The following DSG1 variants were observed in gnomAD, a reference collection of about 807,000 sequenced individuals.
DSG1 encodes the protein desmoglein 1.
In DSG1, 39 loss-of-function variants were observed where a neutral mutation model predicts 97.5. The observed-to-expected ratio is 0.40, with a 90% CI of 0.31 to 0.52. DSG1 has a LOEUF of 0.52. DSG1 is among the 20% of genes least tolerant of loss of function. The pLI is 0.53. For missense variants in DSG1, 1,311 were observed against 1,295.4 expected (o/e 1.01, Z -0.18); for synonymous variants, 475 against 443.4 (o/e 1.07, Z -0.90).
intron 11 of DSG1, among the ~76,000 whole-genome samples, chr18:31,341,961 A>T (rs2071792219): frequency 6.7e-6 from 1 of 148,640 alleles, no homozygotes; most frequent in African/African-American, 2.5e-5. Flanking sequence ...TTTGAGATGG[A>T]GTCTCACTCT....
At chr18:31,354,245 A>G (rs1041641195) in intron 14 of DSG1, 52 bp from the exon 15 acceptor site, 6 of 1,490,174 alleles carry the variant, frequency 4.0e-6, no homozygotes, top group Non-Finnish European at 5.6e-6. Context: ...CTGTTCTATT[A>G]TTGTTAAATA....
chr18:31,324,589 G>C (rs1344697106), intron 1 of DSG1, among the ~76,000 whole-genome samples: 2 of 152,018 alleles, frequency 1.3e-5, no homozygotes, highest in South Asian at 2.1e-4. Context: ...TTACTGTCTT[G>C]TTCCCAATCC....
intron 14 of DSG1, among the ~76,000 whole-genome samples, 193 bp downstream of exon 14, chr18:31,346,391 A>C (rs72929105): frequency 7.9e-5 from 12 of 152,308 alleles, no homozygotes; most frequent in Non-Finnish European, 1.5e-4. Flanking sequence ...TTTACTCCCC[A>C]ACGTAAGAAC....
In DSG1 at chr18:31,331,623, T is replaced by C. The variant is rs2071721382; in HGVS notation, c.518-78T>C. On this transcript the variant is annotated intron_variant, in intron 5 of 14. Coordinates refer to ENST00000257192, the MANE Select transcript of DSG1 (RefSeq NM_001942.4). ...CATAAGGATCAACTAACTCTAACAC[T>C]TTTTTGGAAAGGTGATATACTCTAC... is the stretch of plus-strand genomic sequence containing the variant. The C allele has an allele frequency of 2.2e-6, 3 of 1,388,770 alleles. No individual in the cohort carries two copies. The South Asian group carries it at 3.7e-5, about 17-fold the overall frequency. 86.0% of individuals were successfully genotyped at this position (1,388,770 alleles called of 1,614,324 possible).
At position 31,356,822 on chromosome 18, in the gene DSG1, C is replaced by T. The variant is rs1344511293; in HGVS notation, c.*1476C>T. The T allele has an allele frequency of 2.0e-5, 3 of 151,890 alleles. No homozygotes were observed. Among genetic ancestry groups the T allele is most frequent in the Non-Finnish European group, 2.9e-5 (2 of 67,948 alleles). The allele number at this position is 151,890 out of a possible 1,614,324, so 9.4% of individuals were successfully genotyped here. ...TCTAGTTTCAAAATTTAGTAATGTC[C>T]TATTTATGATATATCATTTCTGTGT... On this transcript the variant is annotated 3_prime_UTR_variant, in exon 15 of 15. Coordinates refer to ENST00000257192, the MANE Select transcript of DSG1 (RefSeq NM_001942.4).
At chr18:31,320,891 ATTAC>A (rs2071649461) in intron 1 of DSG1, among the ~76,000 whole-genome samples, 1 of 152,178 alleles carries the variant, frequency 6.6e-6, no homozygotes, top group South Asian at 2.1e-4. Flanking sequence ...ATTTCTGAAA[ATTAC>A]TTGCAACTTT....
chr18:31,337,918 T>A (rs1163197002), intron 9 of DSG1, among the ~76,000 whole-genome samples: 1 of 152,196 alleles, frequency 6.6e-6, no homozygotes, highest in Non-Finnish European at 1.5e-5. Context: ...CAGGCCAAGC[T>A]GATGAAGTAA....
chr18:31,354,863 G>A lies in DSG1; in HGVS notation c.2667G>A (p.Gly889=). ...TAGAGATGCCTGACTTGCGAGATGG[G>A]TCGAATGTTATAGTGACAGAAAGGG... The part of the protein sequence containing the change: ...GMLEMPDLRD[G]SNVIVTERVI... The change falls in exon 15 of 15, where the codon GGG becomes GGA. Residue 889 remains glycine (G), a synonymous_variant. Coordinates refer to ENST00000257192, the MANE Select transcript of DSG1 (RefSeq NM_001942.4). 1.2e-6 allele frequency: 2 copies of A among 1,614,168 alleles called. No homozygotes were observed. The highest frequency in any genetic ancestry group is 1.7e-6 in the Non-Finnish European group (2 of 1,180,018).
Position 31,354,801 on chromosome 18 carries a change from G to A in DSG1, c.2605G>A (p.Val869Ile). 6.2e-7 allele frequency: 1 copy of A among 1,614,126 alleles called. No homozygotes were observed. The highest frequency in any genetic ancestry group is 8.5e-7 in the Non-Finnish European group (1 of 1,180,006). Residue 869 changes from valine (V) to isoleucine (I), a missense_variant, in exon 15 of 15, where the codon GTC (valine) becomes ATC (isoleucine). Coordinates refer to ENST00000257192, the MANE Select transcript of DSG1 (RefSeq NM_001942.4). Reference sequence around the variant, plus strand: ...AAACGTGGTAGTGACAGAGAGAGTGGTCGGCCCAATCTCTGGCGCTGATTT... The same window carrying A: ...AAACGTGGTAGTGACAGAGAGAGTGATCGGCCCAATCTCTGGCGCTGATTT... ...ASNVVVTERV[V>I]GPISGADLHG...
At position 31,358,528 on chromosome 18, in the gene DSG1, T is replaced by C. The variant is rs946070989; in HGVS notation, c.*3182T>C. ...TATATGTCTTCAAAAATTACATTTT[T>C]TACTCTAGTAAGTAGATGTTTTTAG... is the stretch of plus-strand genomic sequence containing the variant. On this transcript the variant is annotated 3_prime_UTR_variant, in exon 15 of 15. Coordinates refer to ENST00000257192, the MANE Select transcript of DSG1 (RefSeq NM_001942.4). Among the ~76,000 whole-genome samples the C allele has an allele frequency of 2.0e-5, 3 of 152,080 alleles. No individual in the cohort carries two copies. The highest frequency in any genetic ancestry group is 1.3e-4 in the Admixed American group (2 of 15,264).
Position 31,343,941 on chromosome 18 carries a change from A to G in DSG1, c.1837A>G (p.Ile613Val), listed in dbSNP as rs2071809410. The change falls in exon 13 of 15, where the codon ATA (isoleucine) becomes GTA (valine). Residue 613 changes from isoleucine to valine, a missense_variant. Ile to Val is a conservative substitution (Grantham distance 29). Around this residue, in one of 3 missense-constraint regions of DSG1, gnomAD observed 1,038 missense variants for 964.6 expected, o/e 1.08. Coordinates refer to ENST00000257192, the MANE Select transcript of DSG1 (RefSeq NM_001942.4). ...QPEPRDITTV[I>V]PQIPPDNANI... is the part of the protein sequence containing the mutation. Reference sequence around the variant, plus strand: ...TGTCTTTTAGGATATAACCACTGTCATACCACAAATACCACCTGATAACGC... The same window carrying G: ...TGTCTTTTAGGATATAACCACTGTCGTACCACAAATACCACCTGATAACGC... 6.2e-7 allele frequency: 1 copy of G among 1,612,808 alleles called. No individual in the cohort carries two copies. The highest frequency in any genetic ancestry group is 1.3e-5 in the African/African-American group (1 of 74,882).
At chr18:31,331,584 A>G (rs1568041454) in intron 5 of DSG1, 117 bp from the exon 6 acceptor site, 2 of 862,138 alleles carry the variant, frequency 2.3e-6, no homozygotes, top group Non-Finnish European at 3.8e-6. Flanking sequence ...AAGGGAAGAC[A>G]GTGAAGTCCA....
At chr18:31,327,179 A>G (rs182501817) in intron 3 of DSG1, among the ~76,000 whole-genome samples, 174 bp downstream of exon 3, 9 of 152,194 alleles carry the variant, frequency 5.9e-5, no homozygotes, top group Non-Finnish European at 8.8e-5. Flanking sequence ...TAAGAAATGC[A>G]GGTGCTCAGA....
intron 1 of DSG1, among the ~76,000 whole-genome samples, chr18:31,318,733 AT>A (rs5823798): frequency 0.38 from 57,090 of 149,396 alleles, 12,291 homozygotes; most frequent in Non-Finnish European, 0.49. Flanking sequence ...TTTTTTTTTT[AT>A]TTTTTTTGTG....
intron 9 of DSG1, among the ~76,000 whole-genome samples, chr18:31,337,303 C>T (rs544866124): frequency 2.6e-4 from 40 of 152,282 alleles, no homozygotes; most frequent in African/African-American, 9.6e-4. Context: ...GTCACCCAGG[C>T]TGGAGTGCAG....
rs990865508 is a variant in DSG1, at chr18:31,328,051, T to C, written c.217-138T>C. ...TAGAGCTGTAATTGTTACTCTTATC[T>C]AGGAAAATAATCTCCATTGACAACA... On this transcript the variant is annotated intron_variant, in intron 3 of 14. Coordinates refer to ENST00000257192, the MANE Select transcript of DSG1 (RefSeq NM_001942.4). 1.4e-5 allele frequency: 12 copies of C among 827,656 alleles called. No homozygotes were observed. The Admixed American group carries it at 3.3e-4, about 23-fold the overall frequency. The allele number at this position is 827,656 out of a possible 1,614,324, so 51.3% of individuals were successfully genotyped here.
intron 3 of DSG1, 41 bp from the exon 4 acceptor site, chr18:31,328,148 A>C: frequency 1.2e-6 from 2 of 1,609,600 alleles, no homozygotes; most frequent in Non-Finnish European, 1.7e-6. Flanking sequence ...ATAGAACTCT[A>C]TTTGCTCCCT....
chr18:31,331,956 T>G lies in DSG1; in HGVS notation c.684+89T>G, dbSNP rs1056417541. 20 of 1,316,950 alleles carry G rather than the reference T, an allele frequency of 1.5e-5. No individual in the cohort carries two copies. The African/African-American group carries it at 3.0e-4, about 20-fold the overall frequency. 81.6% of individuals were successfully genotyped at this position (1,316,950 alleles called of 1,614,324 possible). A position where few individuals can be genotyped will look rare whatever the true frequency, so the allele number is the denominator to read the frequency against. ...TGAAGAGACAAAGAGATGAAGAAAA[T>G]GATGGTTTAAATTTTTACTTGTATA... is the stretch of plus-strand genomic sequence containing the variant. On this transcript the variant is annotated intron_variant, in intron 6 of 14. Transcript: ENST00000257192.
rs145119037 is a variant in DSG1 at position 31,326,997 on chromosome 18, A to G, written c.208A>G (p.Ile70Val). The G allele has an allele frequency of 3.1e-6, 5 of 1,613,684 alleles. No individual in the cohort carries two copies. In the East Asian group the frequency reaches 8.9e-5, roughly 29 times the overall value. Residue 70 changes from isoleucine to valine, a missense_variant, in exon 3 of 15, where the codon ATC (isoleucine) becomes GTC (valine). This residue lies in a region of DSG1 where 259 missense variants were observed against 304.1 expected (regional missense o/e 0.85). Transcript: ENST00000257192. ...TGAAGACAACTCAAAGAGGAACCCA[A>G]TCGCCAAAGTAGGTATCAACTCCAA... is the stretch of plus-strand genomic sequence containing the variant. ...EGEDNSKRNPIAKIHSDCAAN... is the reference protein window; with the variant it reads ...EGEDNSKRNPVAKIHSDCAAN...
Sources: gnomAD v4.1 joint callset for allele counts (sites outside exome capture counted in the v4.1 genomes callset) on GRCh38, gnomAD v4.1.1 for gene constraint, gnomAD v4.1.1 regional missense constraint, MANE v1.5 for transcripts, NCBI Gene and HGNC (gene_info 2026-07-23, HGNC 2026-07-21) for gene names.